The following TANC2 variants were observed in gnomAD, a reference collection of about 807,000 sequenced individuals.
TANC2 encodes the protein tetratricopeptide repeat, ankyrin repeat and coiled-coil containing 2.
A neutral mutation model predicts 210.5 loss-of-function variants in TANC2; 26 were observed. The observed-to-expected ratio is 0.12, with a 90% CI of 0.09 to 0.17. TANC2 has a LOEUF of 0.17. Ranked by LOEUF, TANC2 falls within the 10% of genes least tolerant of loss-of-function variation. The probability of loss-of-function intolerance (pLI) is 1.00; values close to 1 mark genes in which losing one functional copy is unlikely to be tolerated. For synonymous variants in TANC2, 931 were observed against 967.1 expected (o/e 0.96, Z 0.69); for missense variants, 2,129 against 2,608.9 (o/e 0.82, Z 4.01).
chr17:63,177,594 C>G (rs2040633825), intron 5 of TANC2, among the ~76,000 whole-genome samples: 1 of 152,138 alleles, frequency 6.6e-6, no homozygotes, highest in African/African-American at 2.4e-5. Flanking sequence ...CCAAAACTTA[C>G]AGCAACCAAA....
intron 14 of TANC2, among the ~76,000 whole-genome samples, chr17:63,371,769 T>G (rs1216099622): frequency 1.3e-5 from 2 of 152,214 alleles, no homozygotes; most frequent in Admixed American, 1.3e-4. Context: ...TCCATAATGT[T>G]AAATGAGGAT....
At chr17:63,172,035 A>G (rs1053216854) in intron 5 of TANC2, among the ~76,000 whole-genome samples, 1 of 152,160 alleles carries the variant, frequency 6.6e-6, no homozygotes, top group African/African-American at 2.4e-5. Context: ...TTTATTCTAT[A>G]CAGTGAATTA....
At chr17:63,183,311 A>G (rs1300982367) in intron 5 of TANC2, among the ~76,000 whole-genome samples, 1 of 152,208 alleles carries the variant, frequency 6.6e-6, no homozygotes, top group South Asian at 2.1e-4. Context: ...TGTCAAGTGA[A>G]GTTAACATTG....
chr17:63,186,342 C>G (rs1370139528), intron 5 of TANC2, among the ~76,000 whole-genome samples: 6 of 144,242 alleles, frequency 4.2e-5, no homozygotes, highest in East Asian at 2.0e-4. Context: ...ATGCCCTTCT[C>G]TCTCTCTCTT....
At chr17:63,305,492 G>A (rs1372238417) in intron 9 of TANC2, 1 of 152,256 alleles carries the variant, frequency 6.6e-6, no homozygotes, top group African/African-American at 2.4e-5. Context: ...CTCTGATCGC[G>A]TCTGCTTCTA....
At chr17:62,977,756 A>G (rs534358979) in intron 1 of TANC2, among the ~76,000 whole-genome samples, 16 of 152,242 alleles carry the variant, frequency 1.1e-4, no homozygotes, top group East Asian at 5.8e-4. Flanking sequence ...CTAGGAGTCA[A>G]TAAAGAAAAA....
intron 19 of TANC2, among the ~76,000 whole-genome samples, chr17:63,401,083 C>G (rs2048329851): frequency 6.6e-6 from 1 of 152,142 alleles, no homozygotes; most frequent in Non-Finnish European, 1.5e-5. Context: ...ACTGTTCTAT[C>G]TACTGTGATG....
At chr17:63,081,000 A>G (rs2036750782) in intron 3 of TANC2, among the ~76,000 whole-genome samples, 1 of 152,132 alleles carries the variant, frequency 6.6e-6, no homozygotes, top group African/African-American at 2.4e-5. Flanking sequence ...GTTTCAAATC[A>G]GTATTGTTGG....
At chr17:63,355,033 A>G (rs772518691) in exon 14 of TANC2, 12 of 1,613,796 alleles carry the variant, frequency 7.4e-6, no homozygotes, top group Non-Finnish European at 8.5e-7. Context: ...GAGAAAGGCT[A>G]TCTAGTGTTA....
At chr17:63,094,821 A>T (rs1412471903) in intron 3 of TANC2, among the ~76,000 whole-genome samples, 1 of 152,060 alleles carries the variant, frequency 6.6e-6, no homozygotes, top group Non-Finnish European at 1.5e-5. Flanking sequence ...GCATAACTGA[A>T]TTTTTTCTGT....
chr17:63,305,551 C>T (rs920827857), intron 9 of TANC2: 1 of 152,240 alleles, frequency 6.6e-6, no homozygotes, highest in Non-Finnish European at 1.5e-5. Context: ...TTTCTTCTGT[C>T]TTTCACATGT....
intron 2 of TANC2, among the ~76,000 whole-genome samples, chr17:63,029,753 G>C (rs1172184624): frequency 6.6e-6 from 1 of 152,148 alleles, no homozygotes; most frequent in Non-Finnish European, 1.5e-5. Context: ...TAATAAAGGA[G>C]AGAGATTTCT....
At position 63,395,738 on chromosome 17, in the gene TANC2, C is replaced by T; in HGVS notation, c.3052-5C>T. On this transcript the variant is annotated splice_polypyrimidine_tract_variant and splice_region_variant and intron_variant, in intron 17 of 27. Coordinates refer to ENST00000689528, the Ensembl canonical transcript of TANC2. ...TCACACATATCTCCTGTCCTCTCCT[C>T]TTAGGTGGATCATTTGGATAAGAAC... The T allele has an allele frequency of 6.2e-7, 1 of 1,612,806 alleles. No homozygotes were observed. The highest frequency in any genetic ancestry group is 8.5e-7 in the Non-Finnish European group (1 of 1,179,426).
chr17:63,239,786 T>A, intron 8 of TANC2, among the ~76,000 whole-genome samples: 1 of 152,142 alleles, frequency 6.6e-6, no homozygotes, highest in Non-Finnish European at 1.5e-5. Flanking sequence ...TTGAATTGGC[T>A]CATGGTTCTG....
intron 1 of TANC2, among the ~76,000 whole-genome samples, chr17:62,988,465 T>C (rs1877919466): frequency 6.6e-6 from 1 of 152,176 alleles, no homozygotes; most frequent in East Asian, 1.9e-4. Context: ...TCTAATTACG[T>C]TTTTTGTAGG....
chr17:63,388,934 C>T (rs1009972761), intron 16 of TANC2, among the ~76,000 whole-genome samples, 177 bp downstream of exon 16: 1 of 152,046 alleles, frequency 6.6e-6, no homozygotes, highest in Admixed American at 6.5e-5. Context: ...GAGACTAGCT[C>T]CATTGTCCTC....
chr17:63,036,267 G>A (rs1332305714), intron 2 of TANC2, among the ~76,000 whole-genome samples: 1 of 152,034 alleles, frequency 6.6e-6, no homozygotes, highest in East Asian at 1.9e-4. Flanking sequence ...ATATTTAGAT[G>A]TATGATTTAT....
At chr17:63,396,168 C>A in intron 18 of TANC2, 1 of 450,388 alleles carries the variant, frequency 2.2e-6, no homozygotes, top group Non-Finnish European at 4.0e-6. Context: ...TATAATTATT[C>A]TCCATGTTTT....
chr17:63,055,981 AAAAAAAAAAAT>A (rs1411742775), intron 2 of TANC2, among the ~76,000 whole-genome samples: 26 of 33,624 alleles, frequency 7.7e-4, no homozygotes, highest in African/African-American at 1.9e-3. Context: ...AAAAAAAAAA[AAAAAAAAAAAT>A]ATATATATAT....
Sources: gnomAD v4.1 joint callset for allele counts (sites outside exome capture counted in the v4.1 genomes callset) on GRCh38, gnomAD v4.1.1 for gene constraint, MANE v1.5 for transcripts, NCBI Gene and HGNC (gene_info 2026-07-23, HGNC 2026-07-21) for gene names.